SYTL5: variants seen among roughly 807,000 people sequenced by gnomAD.
SYTL5 encodes synaptotagmin-like protein 5.
In SYTL5, 34 loss-of-function variants were observed where a neutral mutation model predicts 55.9. The observed-to-expected ratio is 0.61, with a 90% CI of 0.46 to 0.81. The LOEUF (loss-of-function observed/expected upper bound fraction) is 0.81. Among genes scored for constraint, SYTL5 ranks in the 30% least tolerant of loss-of-function variants. The pLI, the probability that SYTL5 is intolerant of heterozygous loss-of-function variation, is 0.00. For missense variants in SYTL5, 637 were observed against 546.7 expected (o/e 1.17, Z -1.65); for synonymous variants, 221 against 188.7 (o/e 1.17, Z -1.40).
In SYTL5 at chrX:38,096,131, C is replaced by A. The variant is rs760897968; in HGVS notation, c.962-3C>A. ...GTCTTTCTTTTTCCTTTCCACCTTC[C>A]AGATCAGAGTCGATCTGAGTTAGAT... is the stretch of plus-strand genomic sequence containing the variant. On this transcript the variant is annotated splice_region_variant and splice_polypyrimidine_tract_variant and intron_variant, in intron 8 of 16. Coordinates refer to ENST00000297875, the MANE Select transcript of SYTL5 (RefSeq NM_138780.3). The A allele has an allele frequency of 2.6e-5, 29 of 1,123,630 alleles. No homozygotes were observed. Among genetic ancestry groups the A allele is most frequent in the Non-Finnish European group, 3.4e-5 (28 of 832,422 alleles). The allele number at this position is 1,123,630 out of a possible 1,213,427, so 92.6% of individuals were successfully genotyped here. A position where few individuals can be genotyped will look rare whatever the true frequency, so the allele number is the denominator to read the frequency against.
the SYTL5 span, among the ~76,000 whole-genome samples, chrX:37,974,910 G>A: frequency 8.9e-6 from 1 of 112,041 alleles, no homozygotes; most frequent in South Asian, 3.7e-4. Context: ...CCTGGGATAG[G>A]GGTGGGGTCA....
chrX:38,011,388 T>G (rs1441934201), intron 1 of SYTL5, among the ~76,000 whole-genome samples: 1 of 110,702 alleles, frequency 9.0e-6, no homozygotes, highest in African/African-American at 3.3e-5. Context: ...TCCCAGCACT[T>G]TGGGAGGCCG....
At chrX:37,895,677 G>A in the SYTL5 span, among the ~76,000 whole-genome samples, 1 of 107,734 alleles carries the variant, frequency 9.3e-6, no homozygotes, top group African/African-American at 3.4e-5. Flanking sequence ...TTAGGGAAAA[G>A]AAAAGAAAAA....
intron 1 of SYTL5, among the ~76,000 whole-genome samples, chrX:38,031,471 T>A (rs1345031324): frequency 8.9e-6 from 1 of 111,954 alleles, no homozygotes; most frequent in Non-Finnish European, 1.9e-5. Flanking sequence ...GAGAGAAGAT[T>A]TGTATTTATA....
chrX:38,112,067 G>A (rs904808102), intron 13 of SYTL5, among the ~76,000 whole-genome samples: 6 of 111,712 alleles, frequency 5.4e-5, no homozygotes, highest in Non-Finnish European at 1.1e-4. Context: ...GTCTTTCTGA[G>A]TCTACTGAAG....
intron 16 of SYTL5, among the ~76,000 whole-genome samples, chrX:38,126,100 C>G: frequency 8.9e-6 from 1 of 112,099 alleles, no homozygotes. Flanking sequence ...CTCTCATTAT[C>G]CCATAGCCTA....
At chrX:37,941,025 G>A in the SYTL5 span, among the ~76,000 whole-genome samples, 2 of 111,912 alleles carry the variant, frequency 1.8e-5, no homozygotes, top group African/African-American at 3.3e-5. Flanking sequence ...TGAATCAGTG[G>A]TAGAATTAGA....
intron 3 of SYTL5, among the ~76,000 whole-genome samples, chrX:38,061,201 T>G (rs1387475830): frequency 8.9e-6 from 1 of 112,066 alleles, no homozygotes; most frequent in Non-Finnish European, 1.9e-5. Flanking sequence ...AGCTAGAAAT[T>G]TACATGATGA....
the SYTL5 span, among the ~76,000 whole-genome samples, chrX:37,908,341 A>G: frequency 9.0e-6 from 1 of 111,565 alleles, no homozygotes; most frequent in African/African-American, 3.3e-5. Flanking sequence ...CTTTCTCATC[A>G]GAGAAAAAAT....
chrX:37,914,981 T>C, the SYTL5 span, among the ~76,000 whole-genome samples: 4 of 111,693 alleles, frequency 3.6e-5, no homozygotes, highest in Non-Finnish European at 7.5e-5. Flanking sequence ...CTCTAGTATA[T>C]TTAGAAAAAC....
chrX:38,089,934 A>G (rs1936758003), intron 7 of SYTL5, among the ~76,000 whole-genome samples: 1 of 111,574 alleles, frequency 9.0e-6, no homozygotes, highest in South Asian at 3.8e-4. Flanking sequence ...ACCATATCAG[A>G]CACCCAGTCT....
At chrX:37,960,084 G>A in the SYTL5 span, among the ~76,000 whole-genome samples, 2 of 111,581 alleles carry the variant, frequency 1.8e-5, no homozygotes, top group African/African-American at 6.5e-5. Context: ...ACCCAAGGCA[G>A]CCCTGGCCAG....
chrX:38,047,413 T>A (rs758241382), intron 2 of SYTL5, among the ~76,000 whole-genome samples: 5 of 113,176 alleles, frequency 4.4e-5, no homozygotes, highest in Admixed American at 3.7e-4. Context: ...GCTTGCACCC[T>A]CTGAAGCCGT....
the SYTL5 span, among the ~76,000 whole-genome samples, chrX:37,940,079 G>T: frequency 9.1e-6 from 1 of 109,521 alleles, no homozygotes; most frequent in Non-Finnish European, 1.9e-5. Flanking sequence ...AAGGTGATCC[G>T]CCCGCCTCAG....
the SYTL5 span, among the ~76,000 whole-genome samples, chrX:37,987,741 C>T: frequency 8.9e-6 from 1 of 111,771 alleles, no homozygotes; most frequent in Non-Finnish European, 1.9e-5. Context: ...ATGTCAGAAC[C>T]CTTATTTCTT....
chrX:38,003,223 C>T (rs1363371514), upstream of SYTL5, among the ~76,000 whole-genome samples: 4 of 111,346 alleles, frequency 3.6e-5, no homozygotes, highest in East Asian at 1.1e-3. Context: ...TTCCATTGGT[C>T]TATATGTCTG....
the SYTL5 span, among the ~76,000 whole-genome samples, chrX:37,932,137 A>G: frequency 7.9e-3 from 883 of 112,200 alleles, 10 homozygotes; most frequent in African/African-American, 0.026. Context: ...GAATTAAAAA[A>G]CTGTGCAAGG....
At chrX:37,999,651 G>A in the SYTL5 span, among the ~76,000 whole-genome samples, 1 of 112,162 alleles carries the variant, frequency 8.9e-6, no homozygotes, top group Admixed American at 9.4e-5. Flanking sequence ...TTACTTGGGG[G>A]ACCATCAGCT....
At chrX:38,061,754 A>G (rs1353750457) in intron 3 of SYTL5, among the ~76,000 whole-genome samples, 1 of 111,261 alleles carries the variant, frequency 9.0e-6, no homozygotes, top group African/African-American at 3.3e-5. Context: ...TCTATAAAAA[A>G]CATGATAAAA....
Sources: allele counts gnomAD v4.1 joint callset (sites outside exome capture counted in the v4.1 genomes callset), GRCh38; gene constraint gnomAD v4.1.1; transcripts MANE v1.5; gene names NCBI Gene and HGNC (gene_info 2026-07-23, HGNC 2026-07-21).